Variants in PRKN observed in about 807,000 individuals in gnomAD.
The protein encoded by PRKN is parkin RBR E3 ubiquitin protein ligase.
PRKN carries 56 observed loss-of-function variants against 59.5 expected under a neutral mutation model. The ratio of observed to expected loss-of-function variants is 0.94; its 90% confidence interval spans 0.76 to 1.18. The LOEUF is 1.18. Among genes scored for constraint, PRKN ranks in the 50% most tolerant of loss-of-function variants. The probability of loss-of-function intolerance (pLI) is 0.00; values close to 1 mark genes in which losing one functional copy is unlikely to be tolerated. For synonymous variants in PRKN, 250 were observed against 222.1 expected (o/e 1.13, Z -1.12); for missense variants, 657 against 596.4 (o/e 1.10, Z -1.06).
chr6:161,645,536 A>G (rs6939825), intron 7 of PRKN, among the ~76,000 whole-genome samples: 41,601 of 152,152 alleles, frequency 0.27, 5,926 homozygotes, highest in Non-Finnish European at 0.32. Context: ...TTCTTACTAA[A>G]ATTTTTTATA....
chr6:162,354,028 G>A (rs923377457), intron 2 of PRKN, among the ~76,000 whole-genome samples: 2 of 152,018 alleles, frequency 1.3e-5, no homozygotes, highest in African/African-American at 2.4e-5. Flanking sequence ...TTGACTATCC[G>A]AATATAACCA....
chr6:161,986,225 C>T (rs993080279), intron 5 of PRKN, among the ~76,000 whole-genome samples: 1 of 152,184 alleles, frequency 6.6e-6, no homozygotes, highest in Non-Finnish European at 1.5e-5. Context: ...GTAGAACTGC[C>T]CTGAGCTGCT....
intron 1 of PRKN, among the ~76,000 whole-genome samples, chr6:162,578,608 A>G (rs1780656393): frequency 6.6e-6 from 1 of 152,210 alleles, no homozygotes. Flanking sequence ...TCAGTGTTAA[A>G]TTATAAAACC....
intron 7 of PRKN, among the ~76,000 whole-genome samples, chr6:161,663,303 C>A (rs1784613625): frequency 6.6e-6 from 1 of 152,160 alleles, no homozygotes; most frequent in South Asian, 2.1e-4. Flanking sequence ...AGCTCTGACA[C>A]CGGACCTTCG....
intron 2 of PRKN, among the ~76,000 whole-genome samples, chr6:162,430,755 T>C (rs1367045100): frequency 6.6e-6 from 1 of 152,142 alleles, no homozygotes; most frequent in East Asian, 1.9e-4. Flanking sequence ...GAGAATCTAG[T>C]ACAGTCCTCT....
In PRKN at chr6:161,473,070, T is replaced by C. The variant is rs1790872395; in HGVS notation, c.1083+75784A>G. Among the ~76,000 whole-genome samples, 2 of 152,128 alleles carry C rather than the reference T, an allele frequency of 1.3e-5. No homozygotes were observed. Among genetic ancestry groups the C allele is most frequent in the African/African-American group, 4.8e-5 (2 of 41,430 alleles). Reference sequence around the variant, plus strand: ...GGAATGTAAATTGTTGCAGCCTTTATGGAAAACAGTACGAAGGTTCCTTAA... The same window carrying C: ...GGAATGTAAATTGTTGCAGCCTTTACGGAAAACAGTACGAAGGTTCCTTAA... On this transcript the variant is annotated intron_variant, in intron 9 of 11. Transcript: ENST00000366898. The surrounding 1 kb of genome is among the most constrained non-coding windows in gnomAD (Gnocchi z 4.1).
intron 6 of PRKN, among the ~76,000 whole-genome samples, chr6:161,903,532 TG>T (rs1778016547): frequency 6.6e-6 from 1 of 152,150 alleles, no homozygotes; most frequent in South Asian, 2.1e-4. Context: ...GGAAAATTGT[TG>T]TTTTTAGGGT....
chr6:161,944,030 AATCAGCCTG>A (rs1562407554), intron 6 of PRKN, among the ~76,000 whole-genome samples: 3,425 of 132,706 alleles, frequency 0.026, 73 homozygotes, highest in East Asian at 0.081. Flanking sequence ...CAGCCTGAGG[AATCAGCCTG>A]AGGGACCAGC....
At chr6:161,472,987 A>G (rs1157930174) in intron 9 of PRKN, among the ~76,000 whole-genome samples, 1 of 152,214 alleles carries the variant, frequency 6.6e-6, no homozygotes, top group Non-Finnish European at 1.5e-5. Flanking sequence ...ATTATCAAAA[A>G]GACATAACAA....
chr6:162,171,883 T>C (rs1783296285), intron 4 of PRKN, among the ~76,000 whole-genome samples: 1 of 152,142 alleles, frequency 6.6e-6, no homozygotes, highest in Non-Finnish European at 1.5e-5. Flanking sequence ...GACTGGAACA[T>C]ATAAGGTGTT....
intron 7 of PRKN, among the ~76,000 whole-genome samples, chr6:161,627,144 A>C (rs1783118973): frequency 6.6e-6 from 1 of 152,222 alleles, no homozygotes; most frequent in Non-Finnish European, 1.5e-5. Flanking sequence ...ATTCTGCTGA[A>C]GGAGGTACAG....
chr6:161,802,231 C>T (rs760921588), intron 6 of PRKN, among the ~76,000 whole-genome samples: 50 of 152,040 alleles, frequency 3.3e-4, no homozygotes, highest in Admixed American at 1.8e-3. Flanking sequence ...GCAATGGCTC[C>T]CCCTGGTCAT....
chr6:161,386,348 C>A lies in PRKN; in HGVS notation c.1167+446G>T, dbSNP rs1024496443. On this transcript the variant is annotated intron_variant, in intron 10 of 11. Coordinates refer to ENST00000366898, the MANE Select transcript of PRKN (RefSeq NM_004562.3). This position sits in a 1 kb window ranked among gnomAD's most constrained non-coding sequence, Gnocchi z 4.3. Reference sequence around the variant, plus strand: ...ACACCAGTTAGCATAGGGCATGATGCTGCTAAAGGACAATGATATCCTTAC... The same window carrying A: ...ACACCAGTTAGCATAGGGCATGATGATGCTAAAGGACAATGATATCCTTAC... Among the ~76,000 whole-genome samples the A allele has an allele frequency of 6.6e-6, 1 of 152,214 alleles. No homozygotes were observed. Among genetic ancestry groups the A allele is most frequent in the African/African-American group, 2.4e-5 (1 of 41,454 alleles).
intron 6 of PRKN, among the ~76,000 whole-genome samples, chr6:161,956,529 G>T (rs550151520): frequency 6.6e-6 from 1 of 152,100 alleles, no homozygotes; most frequent in African/African-American, 2.4e-5. Flanking sequence ...GCATTCCACT[G>T]TATTTATGGA....
At chr6:162,372,733 TGTAAATTACAAATAAA>T in intron 2 of PRKN, among the ~76,000 whole-genome samples, 1 of 152,294 alleles carries the variant, frequency 6.6e-6, no homozygotes, top group Non-Finnish European at 1.5e-5. Context: ...TATAAAAAAT[TGTAAATTACAAATAAA>T]TGAATAAATA....
At chr6:162,380,507 GTGTA>G (rs1562716716) in intron 2 of PRKN, among the ~76,000 whole-genome samples, 2 of 34,850 alleles carry the variant, frequency 5.7e-5, no homozygotes, top group African/African-American at 1.2e-4. Flanking sequence ...ATATATATGT[GTGTA>G]TATATATATA....
intron 6 of PRKN, among the ~76,000 whole-genome samples, chr6:161,937,478 A>G (rs1779401838): frequency 6.6e-6 from 1 of 152,204 alleles, no homozygotes; most frequent in African/African-American, 2.4e-5. Flanking sequence ...ATGCTTTTCT[A>G]AGGCTTTGCT....
At chr6:162,330,029 C>A (rs960764580) in intron 2 of PRKN, among the ~76,000 whole-genome samples, 1 of 152,172 alleles carries the variant, frequency 6.6e-6, no homozygotes, top group Non-Finnish European at 1.5e-5. Flanking sequence ...TCCATCCTAT[C>A]AATGAATAGC....
rs1020139130 is a variant in PRKN, at chr6:161,424,032, T to C, written c.1084-37155A>G. On this transcript the variant is annotated intron_variant, in intron 9 of 11. Transcript: ENST00000366898. ...AGTGTTGAAGATAAATTGAGGCATA[T>C]TAATATTAAAGAGTTGATTTGAGGC... is the stretch of plus-strand genomic sequence containing the variant. 1.4e-4 allele frequency among the ~76,000 whole-genome samples: 22 copies of C among 152,054 alleles called. 1 individual carries two copies. Among genetic ancestry groups the C allele is most frequent in the Admixed American group, 1.4e-3 (22 of 15,250 alleles).
Sources: allele counts gnomAD v4.1 joint callset (sites outside exome capture counted in the v4.1 genomes callset), GRCh38; gene constraint gnomAD v4.1.1; non-coding constraint Gnocchi (gnomAD v3.1); transcripts MANE v1.5; gene names NCBI Gene and HGNC (gene_info 2026-07-23, HGNC 2026-07-21).